Variants in RSRC1 observed in about 807,000 individuals in gnomAD.
The protein encoded by RSRC1 is serine/Arginine-related protein 53.
A neutral mutation model predicts 49.1 loss-of-function variants in RSRC1; 39 were observed. That is an observed-to-expected ratio of 0.79 (90% CI 0.61 to 1.04). The LOEUF (loss-of-function observed/expected upper bound fraction) is 1.04, where lower values mean the gene tolerates loss of function less well. Among genes scored for constraint, RSRC1 ranks in the 50% least tolerant of loss-of-function variants. The pLI is 0.00. For missense variants in RSRC1, 388 were observed against 402.4 expected (o/e 0.96, Z 0.31); for synonymous variants, 143 against 130.8 (o/e 1.09, Z -0.63).
At chr3:158,401,643 A>T (rs1208552116) in intron 6 of RSRC1, among the ~76,000 whole-genome samples, 1 of 151,982 alleles carries the variant, frequency 6.6e-6, no homozygotes, top group African/African-American at 2.4e-5. Context: ...CTAAGTGTAT[A>T]GATTGCAGAA....
chr3:158,530,526 A>G (rs1310357426), intron 7 of RSRC1, among the ~76,000 whole-genome samples: 1 of 151,470 alleles, frequency 6.6e-6, no homozygotes. Context: ...GAAGGAAGAA[A>G]CTCTCATTCA....
At chr3:158,423,269 G>T (rs940181957) in intron 6 of RSRC1, among the ~76,000 whole-genome samples, 2 of 152,030 alleles carry the variant, frequency 1.3e-5, no homozygotes, top group Non-Finnish European at 2.9e-5. Flanking sequence ...TGTAAGGAAG[G>T]GATCCAGTTT....
intron 7 of RSRC1, among the ~76,000 whole-genome samples, chr3:158,490,157 T>TC (rs1164435101): frequency 1.3e-5 from 2 of 152,308 alleles, no homozygotes; most frequent in Non-Finnish European, 1.5e-5. Context: ...CCATCTCAGC[T>TC]CACTGCAAGC....
intron 7 of RSRC1, among the ~76,000 whole-genome samples, chr3:158,524,891 G>T (rs1352798955): frequency 6.6e-6 from 1 of 151,912 alleles, no homozygotes; most frequent in Non-Finnish European, 1.5e-5. Flanking sequence ...ATAAGAATTA[G>T]CTTTAGTTTC....
chr3:158,126,549 T>C (rs546651629), intron 3 of RSRC1, among the ~76,000 whole-genome samples: 173 of 152,324 alleles, frequency 1.1e-3, no homozygotes, highest in African/African-American at 4.0e-3. Flanking sequence ...TAATATAGCT[T>C]ATAGTTAGTT....
chr3:158,503,224 T>C (rs1739687970), intron 7 of RSRC1, among the ~76,000 whole-genome samples: 1 of 152,036 alleles, frequency 6.6e-6, no homozygotes, highest in Non-Finnish European at 1.5e-5. Flanking sequence ...CTGCACAGAG[T>C]CCTATGATGT....
intron 6 of RSRC1, among the ~76,000 whole-genome samples, chr3:158,428,259 A>G (rs1036931506): frequency 6.6e-6 from 1 of 151,862 alleles, no homozygotes; most frequent in Non-Finnish European, 1.5e-5. Context: ...CACCACCATT[A>G]TACAGATTTT....
chr3:158,248,601 C>CT (rs35048391), intron 4 of RSRC1, among the ~76,000 whole-genome samples: 17,522 of 143,604 alleles, frequency 0.12, 1,290 homozygotes, highest in Middle Eastern at 0.2. Flanking sequence ...TTTGGATTAA[C>CT]TTTTTTTTTT....
At chr3:158,378,982 G>A (rs1732537814) in intron 6 of RSRC1, among the ~76,000 whole-genome samples, 2 of 152,060 alleles carry the variant, frequency 1.3e-5, no homozygotes, top group African/African-American at 2.4e-5. Flanking sequence ...ATCTATCAGC[G>A]ACTTCTGGGG....
intron 3 of RSRC1, among the ~76,000 whole-genome samples, chr3:158,153,555 A>G (rs1374413305): frequency 1.1e-4 from 16 of 152,194 alleles, no homozygotes; most frequent in Non-Finnish European, 1.6e-4. Context: ...CCATAAAGCT[A>G]GAAGACATGA....
chr3:158,178,109 TTTTG>T (rs1190856233), intron 3 of RSRC1, among the ~76,000 whole-genome samples: 1 of 152,066 alleles, frequency 6.6e-6, no homozygotes, highest in East Asian at 1.9e-4. Flanking sequence ...CCTGTTGTTG[TTTTG>T]TTTTTTTGTT....
intron 4 of RSRC1, among the ~76,000 whole-genome samples, chr3:158,270,038 C>T (rs985274570): frequency 3.3e-5 from 5 of 151,988 alleles, no homozygotes; most frequent in Admixed American, 6.6e-5. Flanking sequence ...TTCCTGGTAT[C>T]AGTGTGAGTA....
intron 4 of RSRC1, among the ~76,000 whole-genome samples, chr3:158,288,918 C>G (rs1726751457): frequency 7.5e-6 from 1 of 132,920 alleles, no homozygotes; most frequent in African/African-American, 2.8e-5. Context: ...ACTGACTGTA[C>G]TAGCCTTGGT....
At chr3:158,510,824 C>T (rs1740122446) in intron 7 of RSRC1, among the ~76,000 whole-genome samples, 1 of 151,962 alleles carries the variant, frequency 6.6e-6, no homozygotes, top group Admixed American at 6.6e-5. Flanking sequence ...GATTTTTCTT[C>T]TATGAATAAT....
At chr3:158,501,803 C>T (rs1309341273) in intron 7 of RSRC1, among the ~76,000 whole-genome samples, 2 of 152,164 alleles carry the variant, frequency 1.3e-5, no homozygotes, top group Admixed American at 1.3e-4. Flanking sequence ...CTTATCCATT[C>T]TGCGGTTCTG....
chr3:158,501,974 T>A (rs1739623617), intron 7 of RSRC1, among the ~76,000 whole-genome samples: 1 of 152,184 alleles, frequency 6.6e-6, no homozygotes, highest in Admixed American at 6.5e-5. Flanking sequence ...CTGTGTGATT[T>A]ATGCTTTAGA....
chr3:158,238,688 C>T (rs1244016867), intron 4 of RSRC1, among the ~76,000 whole-genome samples: 1 of 152,192 alleles, frequency 6.6e-6, no homozygotes, highest in Admixed American at 6.5e-5. Context: ...AACTGGTTCC[C>T]TTCCTTACAC....
At chr3:158,150,295 T>A (rs1717441418) in intron 3 of RSRC1, among the ~76,000 whole-genome samples, 1 of 152,152 alleles carries the variant, frequency 6.6e-6, no homozygotes, top group Non-Finnish European at 1.5e-5. Context: ...TGCACCAGTA[T>A]AAGATTATGT....
At chr3:158,511,784 G>A (rs1452263473) in intron 7 of RSRC1, among the ~76,000 whole-genome samples, 1 of 151,906 alleles carries the variant, frequency 6.6e-6, no homozygotes, top group Non-Finnish European at 1.5e-5. Flanking sequence ...TCCAGCACCT[G>A]TTGTTTCCTA....
Sources: allele counts gnomAD v4.1 joint callset (sites outside exome capture counted in the v4.1 genomes callset), GRCh38; gene constraint gnomAD v4.1.1; transcripts MANE v1.5; gene names NCBI Gene and HGNC (gene_info 2026-07-23, HGNC 2026-07-21).